PRSS48: variants seen among roughly 807,000 people sequenced by gnomAD.
PRSS48 encodes serine protease 48.
Under a neutral mutation model 25.6 loss-of-function variants are expected in PRSS48, and 21 were observed. The ratio of observed to expected loss-of-function variants is 0.82; its 90% CI spans 0.58 to 1.18. PRSS48 has a LOEUF of 1.18. Among genes scored for constraint, PRSS48 ranks in the 50% most tolerant of loss-of-function variants. The pLI, the probability that PRSS48 is intolerant of heterozygous loss-of-function variation, is 0.00. For missense variants in PRSS48, 373 were observed against 399.3 expected (o/e 0.93, Z 0.56); for synonymous variants, 150 against 149.3 (o/e 1.00, Z -0.04).
At chr4:151,286,230 G>C (rs1386186295) in intron 4 of PRSS48, among the ~76,000 whole-genome samples, 2 of 93,916 alleles carry the variant, frequency 2.1e-5, no homozygotes, top group Non-Finnish European at 4.7e-5. Flanking sequence ...AAAATACAAA[G>C]AAGGAAATAA....
chr4:151,282,870 C>T (rs1166370157), intron 3 of PRSS48, among the ~76,000 whole-genome samples: 1 of 151,926 alleles, frequency 6.6e-6, no homozygotes, highest in Non-Finnish European at 1.5e-5. Context: ...CAGAATTTAT[C>T]GGAAGTACTC....
Position 151,282,162 on chromosome 4 carries a change from T to C in PRSS48, c.230T>C (p.Phe77Ser), listed in dbSNP as rs776709535. The C allele has an allele frequency of 5.0e-6, 8 of 1,613,846 alleles. No homozygotes were observed. In the South Asian group the frequency reaches 5.5e-5, roughly 11 times the overall value. The stretch of plus-strand genomic sequence containing the variant: ...TTTCCCCATAGGACCTGGACTACTT[T>C]TTCATATACTGTGTGGCTAGGATCG... Residue 77 changes from phenylalanine to serine, a missense_variant, in exon 3 of 5, where the codon TTT (phenylalanine) becomes TCT (serine). Physicochemically the swap from Phe to Ser is radical, Grantham distance 155. Transcript: ENST00000455694.
intron 4 of PRSS48, among the ~76,000 whole-genome samples, chr4:151,285,254 C>G (rs375425101): frequency 6.6e-6 from 1 of 152,058 alleles, no homozygotes; most frequent in Non-Finnish European, 1.5e-5. Context: ...CAAGTCACTC[C>G]CATAAGAAAT....
rs199592418 is a variant in PRSS48 at position 151,279,799 on chromosome 4, G to A, written c.56G>A (p.Cys19Tyr). ...TCCCTTTCTTCTCTTTCTCTAGTGT[G>A]TGGGCAACCTGTATACTCCAGCCGC... Residue 19 changes from cysteine to tyrosine, a missense_variant, in exon 2 of 5, where the codon TGT becomes TAT. Physicochemically the swap from Cys to Tyr is radical, Grantham distance 194. Coordinates refer to ENST00000455694, the Ensembl canonical transcript of PRSS48. 1.2e-5 allele frequency: 20 copies of A among 1,613,852 alleles called. No homozygotes were observed. Among genetic ancestry groups the A allele is most frequent in the Non-Finnish European group, 1.6e-5 (19 of 1,179,806 alleles).
chr4:151,287,899 A>C (rs1157233182), intron 4 of PRSS48, among the ~76,000 whole-genome samples: 2 of 152,180 alleles, frequency 1.3e-5, no homozygotes, highest in Non-Finnish European at 2.9e-5. Flanking sequence ...TTTTTCAAAA[A>C]ATAAAAAATA....
chr4:151,283,334 T>C, intron 4 of PRSS48, 48 bp downstream of exon 4: 1 of 1,570,134 alleles, frequency 6.4e-7, no homozygotes, highest in Non-Finnish European at 8.7e-7. Flanking sequence ...AGATCTTAAT[T>C]TGGATCCAGG....
chr4:151,283,508 CTTTTTTTT>C (rs5862956), intron 4 of PRSS48, among the ~76,000 whole-genome samples: 1 of 126,540 alleles, frequency 7.9e-6, no homozygotes, highest in Non-Finnish European at 1.6e-5. Flanking sequence ...GGTCATTGGA[CTTTTTTTT>C]TTTTTTTTTT....
chr4:151,287,632 G>A (rs1342269727), intron 4 of PRSS48, among the ~76,000 whole-genome samples: 1 of 151,996 alleles, frequency 6.6e-6, no homozygotes, highest in East Asian at 1.9e-4. Context: ...GGTGACTCAA[G>A]CCTTGTAATC....
intron 4 of PRSS48, 111 bp downstream of exon 4, chr4:151,283,397 A>G: frequency 1.1e-6 from 1 of 890,132 alleles, no homozygotes; most frequent in Non-Finnish European, 1.7e-6. Flanking sequence ...GAGGGTTCTA[A>G]GAATAACTCT....
chr4:151,286,302 C>CA (rs879791941), intron 4 of PRSS48, among the ~76,000 whole-genome samples: 1 of 134,996 alleles, frequency 7.4e-6, no homozygotes, highest in Admixed American at 7.3e-5. Context: ...TAAACAAAAG[C>CA]AAAAGTTGGT....
At chr4:151,286,913 G>A (rs2150014283) in intron 4 of PRSS48, among the ~76,000 whole-genome samples, 1 of 151,788 alleles carries the variant, frequency 6.6e-6, no homozygotes, top group Non-Finnish European at 1.5e-5. Context: ...CTGGGAGGTA[G>A]AGGTTACAGT....
intron 4 of PRSS48, among the ~76,000 whole-genome samples, chr4:151,290,501 A>G (rs2150018381): frequency 6.6e-6 from 1 of 152,364 alleles, no homozygotes; most frequent in South Asian, 2.1e-4. Flanking sequence ...CCATAGAGGC[A>G]GAGAGTGGAC....
At chr4:151,280,025 G>T (rs1774043471) in intron 2 of PRSS48, 67 bp downstream of exon 2, 4 of 943,562 alleles carry the variant, frequency 4.2e-6, no homozygotes, top group South Asian at 2.1e-5. Context: ...CTTCATGAAT[G>T]AACCAAAAGA....
intron 4 of PRSS48, among the ~76,000 whole-genome samples, chr4:151,288,172 C>T (rs903159599): frequency 6.6e-6 from 1 of 151,934 alleles, no homozygotes; most frequent in African/African-American, 2.4e-5. Flanking sequence ...AGCTAAAATA[C>T]TTCGTGGTAA....
exon 4 of PRSS48, chr4:151,283,218 C>T (rs199593688): frequency 4.2e-5 from 68 of 1,613,740 alleles, no homozygotes; most frequent in Non-Finnish European, 5.7e-5. Flanking sequence ...CTTGCCAGCA[C>T]TGGAGCCAGT....
chr4:151,290,478 A>T (rs548809053), intron 4 of PRSS48, among the ~76,000 whole-genome samples: 6 of 152,222 alleles, frequency 3.9e-5, no homozygotes, highest in Non-Finnish European at 7.3e-5. Flanking sequence ...TGAAATGTCT[A>T]AAATAGGCAA....
At chr4:151,282,366 C>T in exon 3 of PRSS48, 1 of 1,613,908 alleles carries the variant, frequency 6.2e-7, no homozygotes. Flanking sequence ...TTGGCAATTC[C>T]ACCCTTTTGT....
Position 151,290,565 on chromosome 4 carries a change from G to C in PRSS48, c.652-553G>C, listed in dbSNP as rs190170683. On this transcript the variant is annotated intron_variant, in intron 4 of 4. Coordinates refer to ENST00000455694, the Ensembl canonical transcript of PRSS48. ...GAAGAAATGGGGATAATTACAAATG[G>C]GTATGAGGTTTCTTTTTAGGGTGAT... Among the ~76,000 whole-genome samples the C allele has an allele frequency of 3.9e-5, 6 of 152,280 alleles. No individual in the cohort carries two copies. In the East Asian group the frequency reaches 1.2e-3, roughly 29 times the overall value.
chr4:151,277,309 C>A, intron 1 of PRSS48, 85 bp downstream of exon 1: 7 of 1,105,408 alleles, frequency 6.3e-6, no homozygotes, highest in South Asian at 2.5e-5. Flanking sequence ...GACACTTCAC[C>A]CATGGGATGT....
Sources: allele counts gnomAD v4.1 joint callset (sites outside exome capture counted in the v4.1 genomes callset), GRCh38; gene constraint gnomAD v4.1.1; transcripts MANE v1.5; gene names NCBI Gene and HGNC (gene_info 2026-07-23, HGNC 2026-07-21).